KCNH1: variants seen among roughly 807,000 people sequenced by gnomAD.
KCNH1 encodes the protein voltage-gated delayed rectifier potassium channel KCNH1.
In KCNH1, 27 loss-of-function variants were observed where a neutral mutation model predicts 69.2. That is an observed-to-expected ratio of 0.39 (90% CI 0.29 to 0.54). The LOEUF is 0.54. Ranked by LOEUF, KCNH1 falls within the 20% of genes least tolerant of loss-of-function variation. The probability of loss-of-function intolerance (pLI) is 0.68; values close to 1 mark genes in which losing one functional copy is unlikely to be tolerated. For missense variants in KCNH1, 798 were observed against 1,261.6 expected, an observed-to-expected ratio of 0.63 and a Z score of 5.57; for synonymous variants, 456 against 487.7, an observed-to-expected ratio of 0.93 and a Z score of 0.86.
chr1:210,860,482 C>G, intron 7 of KCNH1: 2 of 843,156 alleles, frequency 2.4e-6, no homozygotes. Flanking sequence ...GTCATCACTA[C>G]CTTCTTCATC....
intron 10 of KCNH1, among the ~76,000 whole-genome samples, chr1:210,740,732 T>A (rs10863855): frequency 0.43 from 56,978 of 131,362 alleles, 12,595 homozygotes; most frequent in East Asian, 0.7. Flanking sequence ...TTTTTTTTTT[T>A]ACTAAAAGAA....
chr1:210,716,379 C>CAGAG (rs1682248272), intron 10 of KCNH1, among the ~76,000 whole-genome samples: 1 of 141,450 alleles, frequency 7.1e-6, no homozygotes, highest in African/African-American at 2.7e-5. Context: ...TTGCAGTGAG[C>CAGAG]AGAGATTGTG....
At chr1:210,898,687 G>GGT (rs1553357283) in intron 7 of KCNH1, among the ~76,000 whole-genome samples, 1 of 151,784 alleles carries the variant, frequency 6.6e-6, no homozygotes, top group Non-Finnish European at 1.5e-5. Context: ...GCGGCGGGGG[G>GGT]GGGTCCTGTC....
At chr1:210,719,280 C>T (rs1361435) in intron 10 of KCNH1, among the ~76,000 whole-genome samples, 32,308 of 151,898 alleles carry the variant, frequency 0.21, 4,248 homozygotes, top group African/African-American at 0.37. Context: ...CCCTGAGAAA[C>T]GTGGGGAGTG....
At chr1:211,048,937 T>C (rs35593738) in intron 5 of KCNH1, among the ~76,000 whole-genome samples, 27,769 of 151,982 alleles carry the variant, frequency 0.18, 2,861 homozygotes, top group Non-Finnish European at 0.23. Context: ...ATTGGGGTAG[T>C]CCAGAAAGTA....
rs547213288 is a variant in KCNH1 at position 210,838,463 on chromosome 1, G to C, written c.1463-34297C>G. On this transcript the variant is annotated intron_variant, in intron 7 of 10. Coordinates refer to ENST00000271751, the MANE Select transcript of KCNH1 (RefSeq NM_172362.3). The stretch of plus-strand genomic sequence containing the variant: ...AATATAAAACCCAAAACTATAAAAA[G>C]CCTAGAAGAAAACCTAGGCAATACC... 3.3e-5 allele frequency among the ~76,000 whole-genome samples: 5 copies of C among 151,930 alleles called. No individual in the cohort carries two copies. The East Asian group carries it at 9.7e-4, about 29-fold the overall frequency.
At chr1:211,068,553 G>A (rs1690576765) in intron 5 of KCNH1, among the ~76,000 whole-genome samples, 1 of 152,092 alleles carries the variant, frequency 6.6e-6, no homozygotes, top group Non-Finnish European at 1.5e-5. Context: ...ATGCCACCAT[G>A]CCCGGCTAAT....
At chr1:210,954,533 C>T (rs1414067300) in intron 6 of KCNH1, among the ~76,000 whole-genome samples, 6 of 152,152 alleles carry the variant, frequency 3.9e-5, no homozygotes. Flanking sequence ...AGTGTAAAAG[C>T]ATTCCTATTT....
At chr1:210,713,675 A>G (rs1682136944) in intron 10 of KCNH1, among the ~76,000 whole-genome samples, 1 of 152,174 alleles carries the variant, frequency 6.6e-6, no homozygotes, top group Non-Finnish European at 1.5e-5. Flanking sequence ...CTCAACCTGC[A>G]ATTCATGATC....
chr1:210,690,605 G>A (rs1268159357), intron 10 of KCNH1, among the ~76,000 whole-genome samples: 6 of 152,228 alleles, frequency 3.9e-5, no homozygotes, highest in Admixed American at 1.3e-4. Flanking sequence ...GGATGAGGCA[G>A]TTGGTTGGGT....
chr1:211,080,458 G>A (rs60036271), intron 5 of KCNH1, among the ~76,000 whole-genome samples: 5 of 152,028 alleles, frequency 3.3e-5, no homozygotes, highest in African/African-American at 1.2e-4. Flanking sequence ...CACAGAATTG[G>A]AAAAAACTAC....
chr1:211,054,112 A>T (rs542902227), intron 5 of KCNH1, among the ~76,000 whole-genome samples: 155 of 150,130 alleles, frequency 1.0e-3, no homozygotes, highest in African/African-American at 3.8e-3. Flanking sequence ...TCTACTAAAA[A>T]TAATACAAAA....
intron 5 of KCNH1, among the ~76,000 whole-genome samples, chr1:211,020,340 G>A (rs1689566851): frequency 6.6e-6 from 1 of 151,850 alleles, no homozygotes; most frequent in African/African-American, 2.4e-5. Context: ...ATCATTAGAA[G>A]CTATTATGAA....
rs1683152821 is a variant in KCNH1 at position 210,746,228 on chromosome 1, GC to G, written c.2112+29119del. Reference sequence around the variant, plus strand: ...GCAGCCTGCCAGACTCTGAGGCAAGGCCCCAGATGCACTTTATACTTGTGCA... The same window carrying G: ...GCAGCCTGCCAGACTCTGAGGCAAGGCCCAGATGCACTTTATACTTGTGCA... On this transcript the variant is annotated intron_variant, in intron 10 of 10. Coordinates refer to ENST00000271751, the MANE Select transcript of KCNH1 (RefSeq NM_172362.3). Among the ~76,000 whole-genome samples the G allele has an allele frequency of 2.6e-5, 4 of 152,080 alleles. No homozygotes were observed. The South Asian group carries it at 8.3e-4, about 32-fold the overall frequency.
At chr1:210,744,375 G>T (rs1170693270) in intron 10 of KCNH1, among the ~76,000 whole-genome samples, 1 of 152,206 alleles carries the variant, frequency 6.6e-6, no homozygotes, top group Non-Finnish European at 1.5e-5. Context: ...GCCGGACACG[G>T]TGGCTCACGC....
At chr1:211,111,960 A>G (rs74406390) in intron 1 of KCNH1, among the ~76,000 whole-genome samples, 57,631 of 84,954 alleles carry the variant, frequency 0.68, 19,596 homozygotes, top group African/African-American at 0.73. Context: ...CTGCCTGGCC[A>G]CTGCACTGTC....
chr1:210,955,347 C>T (rs992230631), intron 6 of KCNH1, among the ~76,000 whole-genome samples: 2 of 152,166 alleles, frequency 1.3e-5, no homozygotes, highest in African/African-American at 2.4e-5. Flanking sequence ...ATGCCTCCAG[C>T]TTTGTTCTTT....
chr1:210,818,603 A>T (rs1684865585), intron 7 of KCNH1, among the ~76,000 whole-genome samples: 1 of 152,172 alleles, frequency 6.6e-6, no homozygotes, highest in Non-Finnish European at 1.5e-5. Flanking sequence ...GATATATATA[A>T]AGTGCCCCAT....
intron 7 of KCNH1, among the ~76,000 whole-genome samples, chr1:210,901,866 T>TG: frequency 6.6e-6 from 1 of 152,212 alleles, no homozygotes; most frequent in Non-Finnish European, 1.5e-5. Flanking sequence ...CTGAGCTTCT[T>TG]GGGGTAGGGA....
Sources: allele counts gnomAD v4.1 joint callset (sites outside exome capture counted in the v4.1 genomes callset), GRCh38; gene constraint gnomAD v4.1.1; transcripts MANE v1.5; gene names NCBI Gene and HGNC (gene_info 2026-07-23, HGNC 2026-07-21).